The following XYLB variants were observed in gnomAD, a reference collection of about 807,000 sequenced individuals.
XYLB encodes the protein xylulose kinase.
Under a neutral mutation model 78.7 loss-of-function variants are expected in XYLB, and 62 were observed. The ratio of observed to expected loss-of-function variants is 0.79; its 90% CI spans 0.64 to 0.97. The LOEUF is 0.97. Ranked by LOEUF, XYLB falls within the 50% of genes least tolerant of loss-of-function variation. The pLI, the probability that XYLB is intolerant of heterozygous loss-of-function variation, is 0.00. For missense variants in XYLB, 687 were observed against 676.8 expected (o/e 1.02, Z -0.17); for synonymous variants, 245 against 247.4 (o/e 0.99, Z 0.09).
Position 38,369,983 on chromosome 3 carries a change from G to A in XYLB, c.647-73G>A, listed in dbSNP as rs1575479475. 3.1e-6 allele frequency: 4 copies of A among 1,281,048 alleles called. No homozygotes were observed. The East Asian group carries it at 6.9e-5, about 22-fold the overall frequency. The allele number at this position is 1,281,048 out of a possible 1,614,324, so 79.4% of individuals were successfully genotyped here. The stretch of plus-strand genomic sequence containing the variant: ...TTGTGGCAAGAGAATTATCTGCTCT[G>A]TGCCAGATTTGTGCATTTTCACAAA... On this transcript the variant is annotated intron_variant, in intron 8 of 18. Transcript: ENST00000207870.
At chr3:38,433,971 T>A in the XYLB span, among the ~76,000 whole-genome samples, 1 of 152,208 alleles carries the variant, frequency 6.6e-6, no homozygotes, top group Non-Finnish European at 1.5e-5. Context: ...TTTAATTGAC[T>A]CACAGTTCCA....
chr3:38,356,100 A>G, intron 2 of XYLB: 1 of 214,322 alleles, frequency 4.7e-6, no homozygotes, highest in Non-Finnish European at 9.4e-6. Context: ...AAATACAAAA[A>G]TTTAGCCAGG....
intron 2 of XYLB, among the ~76,000 whole-genome samples, chr3:38,352,564 T>G (rs959025350): frequency 6.6e-6 from 1 of 152,142 alleles, no homozygotes; most frequent in Non-Finnish European, 1.5e-5. Flanking sequence ...CCTAGCACTT[T>G]GGGAGGCTGA....
rs1235186171 is a variant in XYLB at position 38,370,084 on chromosome 3, G to A, written c.675G>A (p.Gln225=). ...DGSGMNLLQI[Q]DKVWSQACLG... The stretch of plus-strand genomic sequence containing the variant: ...CTGGAATGAATTTGTTGCAGATACA[G>A]GATAAAGTCTGGTCCCAGGCTTGCC... The change falls in exon 9 of 19, where the codon CAG becomes CAA. Residue 225 remains glutamine, a synonymous_variant. Coordinates refer to ENST00000207870, the MANE Select transcript of XYLB (RefSeq NM_005108.4). 5.0e-6 allele frequency: 8 copies of A among 1,614,086 alleles called. No individual in the cohort carries two copies. The highest frequency in any genetic ancestry group is 5.9e-6 in the Non-Finnish European group (7 of 1,180,048).
chr3:38,357,256 C>T (rs1328311159), intron 2 of XYLB: 3 of 152,148 alleles, frequency 2.0e-5, no homozygotes, highest in Non-Finnish European at 2.9e-5. Flanking sequence ...GGGTATATTA[C>T]CTAAAATTGG....
chr3:38,448,082 G>A, the XYLB span, among the ~76,000 whole-genome samples: 2 of 152,054 alleles, frequency 1.3e-5, no homozygotes, highest in African/African-American at 4.8e-5. Flanking sequence ...AAGAAACCCT[G>A]TCATTGGCAG....
intron 3 of XYLB, among the ~76,000 whole-genome samples, chr3:38,362,093 T>C (rs1706006540): frequency 6.6e-6 from 1 of 152,240 alleles, no homozygotes; most frequent in Admixed American, 6.5e-5. Context: ...CTCCAGCCTC[T>C]GGCTCCTGGA....
chr3:38,361,991 C>T (rs1320081473), intron 3 of XYLB, among the ~76,000 whole-genome samples: 4 of 152,180 alleles, frequency 2.6e-5, no homozygotes, highest in Admixed American at 1.3e-4. Flanking sequence ...ATCCATCCCA[C>T]TCACTGGGTT....
At chr3:38,399,861 C>G (rs1013760779) in intron 17 of XYLB, among the ~76,000 whole-genome samples, 1 of 152,192 alleles carries the variant, frequency 6.6e-6, no homozygotes, top group Non-Finnish European at 1.5e-5. Flanking sequence ...GATATCTTCT[C>G]CCCATCTGGG....
intron 4 of XYLB, among the ~76,000 whole-genome samples, chr3:38,363,715 T>G (rs1025101179): frequency 5.3e-5 from 8 of 152,198 alleles, no homozygotes; most frequent in African/African-American, 1.9e-4. Flanking sequence ...GCAGTAAACA[T>G]TATTAAAGCT....
At position 38,375,146 on chromosome 3, in the gene XYLB, C is replaced by T. The variant is rs779008197; in HGVS notation, c.891C>T (p.Val297=). The change falls in exon 12 of 19, where the codon GTC becomes GTT. Residue 297 remains valine, a splice_region_variant and synonymous_variant. Transcript: ENST00000207870. ...CACCTCTGCCTATCTCTCCTCAGGT[C>T]AGCCTGGGCACCAGTGACACCCTGT... ...GMRLEEGDIA[V]SLGTSDTLFL... 3 of 1,613,498 alleles carry T rather than the reference C, an allele frequency of 1.9e-6. No individual in the cohort carries two copies. Among genetic ancestry groups the T allele is most frequent in the South Asian group, 2.2e-5 (2 of 90,934 alleles).
At chr3:38,377,830 A>G (rs1478141328) in intron 14 of XYLB, among the ~76,000 whole-genome samples, 1 of 129,570 alleles carries the variant, frequency 7.7e-6, no homozygotes, top group Non-Finnish European at 1.9e-5. Context: ...TAATCTGCCC[A>G]GAGTCACAAG....
chr3:38,365,984 C>A (rs560938807), intron 6 of XYLB, among the ~76,000 whole-genome samples: 4 of 151,870 alleles, frequency 2.6e-5, no homozygotes, highest in Non-Finnish European at 5.9e-5. Context: ...GGTACCCCCT[C>A]AATGAGAAGG....
At chr3:38,435,084 C>T in the XYLB span, among the ~76,000 whole-genome samples, 15 of 151,510 alleles carry the variant, frequency 9.9e-5, no homozygotes, top group Admixed American at 6.6e-5. Context: ...TGCAGTGAGC[C>T]GAGATCACAC....
At chr3:38,395,717 C>G (rs533606708) in intron 16 of XYLB, among the ~76,000 whole-genome samples, 154 bp downstream of exon 16, 1 of 152,346 alleles carries the variant, frequency 6.6e-6, no homozygotes, top group South Asian at 2.1e-4. Context: ...TGTTGCCTTA[C>G]AGCTCACACT....
intron 11 of XYLB, 108 bp from the exon 12 acceptor site, chr3:38,375,036 A>G: frequency 1.2e-6 from 1 of 852,448 alleles, no homozygotes; most frequent in South Asian, 1.7e-5. Flanking sequence ...GGTCTGCAGC[A>G]TGAGTGAAGT....
Position 38,372,743 on chromosome 3 carries a change from A to G in XYLB, c.847+7A>G, listed in dbSNP as rs376852840. The G allele has an allele frequency of 6.2e-5, 100 of 1,614,022 alleles. No individual in the cohort carries two copies. The African/African-American group carries it at 9.7e-4, about 16-fold the overall frequency. On this transcript the variant is annotated splice_region_variant and intron_variant, in intron 10 of 18. Coordinates refer to ENST00000207870, the MANE Select transcript of XYLB (RefSeq NM_005108.4). ...TTCACTGGGGACAACCCAGGTGAGT[A>G]TCTCGGGGAGTTTCACTCTCCAGTG...
Position 38,413,019 on chromosome 3 carries a change from C to T in XYLB, c.*6C>T. On this transcript the variant is annotated 3_prime_UTR_variant, in exon 19 of 19. Coordinates refer to ENST00000207870, the MANE Select transcript of XYLB (RefSeq NM_005108.4). Reference sequence around the variant, plus strand: ...CCCGGGGGCCTCCGGAGTGAACAGGCATCCCTGTTGCCCCTGCCTGCCCAG... The same window carrying T: ...CCCGGGGGCCTCCGGAGTGAACAGGTATCCCTGTTGCCCCTGCCTGCCCAG... 4 of 1,589,986 alleles carry T rather than the reference C, an allele frequency of 2.5e-6. No homozygotes were observed. Among genetic ancestry groups the T allele is most frequent in the South Asian group, 1.2e-5 (1 of 86,292 alleles).
chr3:38,395,410 A>G, intron 15 of XYLB, 95 bp from the exon 16 acceptor site: 1 of 1,152,430 alleles, frequency 8.7e-7, no homozygotes, highest in East Asian at 2.5e-5. Context: ...TTGGCCCATC[A>G]TGAGCCCTCT....
Sources: gnomAD v4.1 joint callset for allele counts (sites outside exome capture counted in the v4.1 genomes callset) on GRCh38, gnomAD v4.1.1 for gene constraint, MANE v1.5 for transcripts, NCBI Gene and HGNC (gene_info 2026-07-23, HGNC 2026-07-21) for gene names.